The following ARHGEF9 variants were observed in gnomAD, a reference collection of about 807,000 sequenced individuals.
ARHGEF9 encodes rho guanine nucleotide exchange factor 9.
Under a neutral mutation model 41.3 loss-of-function variants are expected in ARHGEF9, and 2 were observed. The ratio of observed to expected loss-of-function variants is 0.05; its 90% CI spans 0.02 to 0.15. The LOEUF (loss-of-function observed/expected upper bound fraction) is 0.15. Ranked by LOEUF, ARHGEF9 falls within the 10% of genes least tolerant of loss-of-function variation. The pLI is 1.00. For synonymous variants in ARHGEF9, 160 were observed against 154.4 expected (o/e 1.04, Z -0.27); for missense variants, 225 against 424.7 (o/e 0.53, Z 4.13).
At chrX:63,763,187 T>C (rs1258772923) in intron 1 of ARHGEF9, among the ~76,000 whole-genome samples, 1 of 110,068 alleles carries the variant, frequency 9.1e-6, no homozygotes, top group Non-Finnish European at 1.9e-5. Context: ...GGGTCAAATT[T>C]AGTATTATGA....
At chrX:63,661,722 C>T (rs1317555171) in intron 7 of ARHGEF9, among the ~76,000 whole-genome samples, 2 of 110,729 alleles carry the variant, frequency 1.8e-5, no homozygotes, top group African/African-American at 6.6e-5. Context: ...TTTAAAGGTA[C>T]CTTCACACAT....
chrX:63,754,860 C>G (rs1215310936), intron 1 of ARHGEF9: 2 of 936,674 alleles, frequency 2.1e-6, no homozygotes, highest in African/African-American at 4.1e-5. Context: ...GTCCAGCATT[C>G]TCTCTCGGGC....
At position 63,702,628 on chromosome X, in the gene ARHGEF9, C is replaced by T. The variant is rs143075102; in HGVS notation, c.402+3630G>A. On this transcript the variant is annotated intron_variant, in intron 3 of 9. Transcript: ENST00000671741. Reference sequence around the variant, plus strand: ...TTTTTTATATTGAATATAATTTTCCCCCTTTCCCCTTCAACAAGTACAAAA... The same window carrying T: ...TTTTTTATATTGAATATAATTTTCCTCCTTTCCCCTTCAACAAGTACAAAA... 4.2e-3 allele frequency among the ~76,000 whole-genome samples: 469 copies of T among 111,683 alleles called. 3 individuals carry two copies. Among genetic ancestry groups the T allele is most frequent in the Non-Finnish European group, 7.3e-3 (387 of 53,089 alleles).
At chrX:63,708,725 A>G (rs1410762526) in intron 2 of ARHGEF9, among the ~76,000 whole-genome samples, 2 of 112,099 alleles carry the variant, frequency 1.8e-5, no homozygotes, top group Non-Finnish European at 3.8e-5. Context: ...AGAACTACTA[A>G]CAGATTCATT....
At chrX:63,755,128 G>A (rs1292598614) in intron 1 of ARHGEF9, 1 of 938,406 alleles carries the variant, frequency 1.1e-6, no homozygotes, top group Non-Finnish European at 1.3e-6. Flanking sequence ...CCCATCCCCC[G>A]CTCAGCCCAT....
intron 6 of ARHGEF9, among the ~76,000 whole-genome samples, chrX:63,666,805 C>T (rs1267305081): frequency 8.9e-6 from 1 of 111,948 alleles, no homozygotes; most frequent in Non-Finnish European, 1.9e-5. Context: ...ACTTATCCTC[C>T]TTGCTACAAA....
chrX:63,772,646 G>C (rs1424061689), intron 1 of ARHGEF9, among the ~76,000 whole-genome samples: 1 of 111,516 alleles, frequency 9.0e-6, no homozygotes, highest in Non-Finnish European at 1.9e-5. Flanking sequence ...TTTGAACCCA[G>C]GGAGTATGGT....
At chrX:63,781,231 T>C (rs782102650) in intron 1 of ARHGEF9, among the ~76,000 whole-genome samples, 8 of 112,001 alleles carry the variant, frequency 7.1e-5, no homozygotes, top group Non-Finnish European at 1.5e-4. Flanking sequence ...TACTGATTAT[T>C]ACTGAAAATA....
chrX:63,767,398 A>G (rs1556452317), intron 1 of ARHGEF9: 3 of 429,331 alleles, frequency 7.0e-6, no homozygotes, highest in Non-Finnish European at 1.3e-5. Flanking sequence ...GCTATTTTAT[A>G]TTATGACTGC....
chrX:63,752,478 A>T (rs1431884231), intron 1 of ARHGEF9, among the ~76,000 whole-genome samples: 2 of 112,215 alleles, frequency 1.8e-5, no homozygotes, highest in African/African-American at 3.2e-5. Context: ...ATATAAGCTT[A>T]CTTTAAATAA....
intron 7 of ARHGEF9, among the ~76,000 whole-genome samples, chrX:63,665,414 C>T (rs1393408891): frequency 3.6e-5 from 4 of 112,622 alleles, no homozygotes; most frequent in East Asian, 5.6e-4. Flanking sequence ...TCCTATATCA[C>T]AAAGGTACCT....
chrX:63,647,950 T>C (rs2147173277), intron 8 of ARHGEF9, among the ~76,000 whole-genome samples: 1 of 111,291 alleles, frequency 9.0e-6, no homozygotes, highest in East Asian at 2.8e-4. Context: ...TGGGACTATG[T>C]GAAAAGACCA....
chrX:63,694,476 T>C (rs1441552698), intron 4 of ARHGEF9, among the ~76,000 whole-genome samples: 1 of 112,267 alleles, frequency 8.9e-6, no homozygotes, highest in African/African-American at 3.2e-5. Flanking sequence ...CATTAATTTG[T>C]GAATAGGTGG....
chrX:63,682,384 G>A (rs1466310868), intron 4 of ARHGEF9, among the ~76,000 whole-genome samples: 3 of 109,617 alleles, frequency 2.7e-5, no homozygotes, highest in African/African-American at 6.6e-5. Flanking sequence ...GCGTGGTGGC[G>A]GGCGCCTGTA....
chrX:63,776,348 T>C lies in ARHGEF9; in HGVS notation c.30+8768A>G, dbSNP rs782011230. Reference sequence around the variant, plus strand: ...GCCATATGGTCTCTGTCACAACTATTCAACTCTGCTTTTGTATCACAAAGG... The same window carrying C: ...GCCATATGGTCTCTGTCACAACTATCCAACTCTGCTTTTGTATCACAAAGG... On this transcript the variant is annotated intron_variant, in intron 1 of 9. Coordinates refer to ENST00000671741, the MANE Select transcript of ARHGEF9 (RefSeq NM_001353921.2). 2.7e-5 allele frequency among the ~76,000 whole-genome samples: 3 copies of C among 111,422 alleles called. No homozygotes were observed. In the South Asian group the frequency reaches 1.2e-3, roughly 43 times the overall value.
chrX:63,649,938 A>G (rs147781522), intron 8 of ARHGEF9, among the ~76,000 whole-genome samples: 2,439 of 111,997 alleles, frequency 0.022, 31 homozygotes, highest in Non-Finnish European at 0.033. Context: ...TATTCAGTCA[A>G]TGAAAGAGTG....
intron 3 of ARHGEF9, among the ~76,000 whole-genome samples, chrX:63,699,682 T>C (rs1556393156): frequency 2.7e-5 from 3 of 112,062 alleles, no homozygotes; most frequent in Non-Finnish European, 3.8e-5. Context: ...GGTAGGACCT[T>C]AGAATGTTTT....
At chrX:63,668,823 C>T (rs1335221471) in intron 6 of ARHGEF9, among the ~76,000 whole-genome samples, 1 of 112,091 alleles carries the variant, frequency 8.9e-6, no homozygotes, top group African/African-American at 3.2e-5. Flanking sequence ...AAGTAATTTG[C>T]CCAAAGGGGC....
intron 2 of ARHGEF9, among the ~76,000 whole-genome samples, chrX:63,706,788 T>A (rs1330578080): frequency 8.9e-6 from 1 of 112,426 alleles, no homozygotes; most frequent in Non-Finnish European, 1.9e-5. Context: ...ACAGCATTTA[T>A]GCACCTGCAA....
Sources: gnomAD v4.1 joint callset for allele counts (sites outside exome capture counted in the v4.1 genomes callset) on GRCh38, gnomAD v4.1.1 for gene constraint, MANE v1.5 for transcripts, NCBI Gene and HGNC (gene_info 2026-07-23, HGNC 2026-07-21) for gene names.